FAT3: variants seen among roughly 807,000 people sequenced by gnomAD.
The protein encoded by FAT3 is FAT atypical cadherin 3.
Under a neutral mutation model 310.2 loss-of-function variants are expected in FAT3, and 95 were observed. The observed-to-expected ratio is 0.31, with a 90% CI of 0.26 to 0.36. The LOEUF is 0.36. FAT3 is among the 10% of genes least tolerant of loss of function. The probability of loss-of-function intolerance (pLI) is 1.00; values close to 1 mark genes in which losing one functional copy is unlikely to be tolerated. For synonymous variants in FAT3, 2,314 were observed against 2,192.9 expected (o/e 1.06, Z -1.54); for missense variants, 5,408 against 5,715.6 (o/e 0.95, Z 1.74).
intron 7 of FAT3, among the ~76,000 whole-genome samples, chr11:92,785,380 T>C (rs1946861820): frequency 6.6e-6 from 1 of 152,072 alleles, no homozygotes; most frequent in South Asian, 2.1e-4. Context: ...CATGCTGTAA[T>C]AGCCAATGCA....
At chr11:92,419,043 C>G (rs1184081420) in intron 2 of FAT3, among the ~76,000 whole-genome samples, 1 of 152,096 alleles carries the variant, frequency 6.6e-6, no homozygotes, top group Non-Finnish European at 1.5e-5. Flanking sequence ...CAGTGTTTCC[C>G]TAACCCCCTC....
rs1246302110 is a variant in FAT3, at chr11:92,883,879, T to C, written c.12937+486T>C. On this transcript the variant is annotated intron_variant, in intron 24 of 27. Coordinates refer to ENST00000525166, the MANE Select transcript of FAT3 (RefSeq NM_001367949.2). The surrounding 1 kb of genome is among the most constrained non-coding windows in gnomAD (Gnocchi z 4.2). ...GTATTTCCAGTCTTAGAATGAAGAC[T>C]TGAGAGAAGCAGAGGGACACTTCAA... Among the ~76,000 whole-genome samples the C allele has an allele frequency of 6.6e-6, 1 of 152,122 alleles. No homozygotes were observed. Among genetic ancestry groups the C allele is most frequent in the Non-Finnish European group, 1.5e-5 (1 of 68,020 alleles).
intron 3 of FAT3, among the ~76,000 whole-genome samples, chr11:92,639,419 G>A (rs896890681): frequency 1.3e-5 from 2 of 152,138 alleles, no homozygotes; most frequent in South Asian, 2.1e-4. Context: ...ACAGAGTCCT[G>A]TAGTTCTTTA....
rs17600116 is a variant in FAT3 at position 92,500,745 on chromosome 11, G to C, written c.3293-23889G>C. ...ACAATCCTATTAGAGTTGTGGAAAA[G>C]GAAAAGTATCACCTTAATTTACCTC... is the stretch of plus-strand genomic sequence containing the variant. On this transcript the variant is annotated intron_variant, in intron 2 of 27. Transcript: ENST00000525166. 4.2e-3 allele frequency among the ~76,000 whole-genome samples: 637 copies of C among 152,052 alleles called. 13 individuals are homozygous for C. Among genetic ancestry groups the C allele is most frequent in the Non-Finnish European group, 3.9e-3 (268 of 67,952 alleles).
chr11:92,666,532 T>TG (rs1942957557), intron 3 of FAT3, among the ~76,000 whole-genome samples: 1 of 151,404 alleles, frequency 6.6e-6, no homozygotes, highest in East Asian at 1.9e-4. Context: ...TTTTTTTTTT[T>TG]TGTATCTTTA....
At chr11:92,336,283 C>A in intron 1 of FAT3, 2 of 506,198 alleles carry the variant, frequency 4.0e-6, no homozygotes, top group East Asian at 4.9e-5. Context: ...CAATGGGAGT[C>A]TGGGTTCTTC....
intron 4 of FAT3, among the ~76,000 whole-genome samples, chr11:92,737,203 A>G (rs533879590): frequency 9.8e-5 from 15 of 152,292 alleles, no homozygotes; most frequent in African/African-American, 3.4e-4. Flanking sequence ...GGGGAAAGAA[A>G]TTGAAATTTC....
intron 1 of FAT3, among the ~76,000 whole-genome samples, chr11:92,312,738 C>G (rs139171875): frequency 6.6e-6 from 1 of 152,238 alleles, no homozygotes; most frequent in Non-Finnish European, 1.5e-5. Flanking sequence ...TCCCAAACAA[C>G]TCTTGAAGCA....
intron 2 of FAT3, among the ~76,000 whole-genome samples, chr11:92,465,372 T>A (rs1951733516): frequency 6.6e-6 from 1 of 152,196 alleles, no homozygotes; most frequent in Admixed American, 6.6e-5. Context: ...TTTGGCTATG[T>A]TATAAAACAT....
chr11:92,681,990 A>T (rs894525183), intron 3 of FAT3, among the ~76,000 whole-genome samples: 5 of 152,254 alleles, frequency 3.3e-5, no homozygotes, highest in Admixed American at 3.3e-4. Context: ...GCACTTTCAC[A>T]TATTGTGGTT....
At chr11:92,749,884 C>A (rs185215338) in intron 4 of FAT3, among the ~76,000 whole-genome samples, 2 of 152,286 alleles carry the variant, frequency 1.3e-5, no homozygotes, top group East Asian at 3.9e-4. Flanking sequence ...TCAATCAGAT[C>A]CAAGAGAAGG....
chr11:92,325,785 C>T (rs1405598329), intron 1 of FAT3, among the ~76,000 whole-genome samples: 1 of 152,158 alleles, frequency 6.6e-6, no homozygotes, highest in African/African-American at 2.4e-5. Context: ...GCATGCATCA[C>T]CACGCCCAGC....
At chr11:92,615,056 G>C (rs1490623461) in intron 3 of FAT3, among the ~76,000 whole-genome samples, 2 of 152,104 alleles carry the variant, frequency 1.3e-5, no homozygotes, top group Non-Finnish European at 2.9e-5. Context: ...TGTCTCATTG[G>C]ACTATGTGTC....
At chr11:92,455,168 A>G (rs1591312669) in intron 2 of FAT3, among the ~76,000 whole-genome samples, 2 of 152,314 alleles carry the variant, frequency 1.3e-5, no homozygotes, top group South Asian at 2.1e-4. Flanking sequence ...TGACACTAGA[A>G]TGGTGTTCAC....
chr11:92,893,257 A>G lies in FAT3; in HGVS notation c.*2144A>G, dbSNP rs1379043541. ...CTTTCTCTTCCTGTCTCTTGGTCAG[A>G]CCTACTCATGGAGGTATTATCCACA... On this transcript the variant is annotated 3_prime_UTR_variant, in exon 28 of 28. Transcript: ENST00000525166. 6.6e-6 allele frequency: 1 copy of G among 152,192 alleles called. No individual in the cohort carries two copies. The allele number at this position is 152,192 out of a possible 1,614,324, so 9.4% of individuals were successfully genotyped here. A position where few individuals can be genotyped will look rare whatever the true frequency, so the allele number is the denominator to read the frequency against.
At chr11:92,702,482 G>A (rs1174573388) in intron 4 of FAT3, among the ~76,000 whole-genome samples, 1 of 152,090 alleles carries the variant, frequency 6.6e-6, no homozygotes, top group African/African-American at 2.4e-5. Context: ...TGGAAAATGG[G>A]GTTAATAAAC....
At chr11:92,281,193 A>T (rs1283734143) in intron 1 of FAT3, among the ~76,000 whole-genome samples, 1 of 152,118 alleles carries the variant, frequency 6.6e-6, no homozygotes, top group East Asian at 1.9e-4. Context: ...ACACATGTAT[A>T]TGTCTTTCCA....
intron 1 of FAT3, among the ~76,000 whole-genome samples, chr11:92,330,997 TGTGTGTGAGAGAGA>T (rs1001535988): frequency 4.8e-5 from 6 of 124,210 alleles, no homozygotes; most frequent in African/African-American, 1.7e-4. Flanking sequence ...TGTGTGTGTG[TGTGTGTGAGAGAGA>T]GAGAGAGAGA....
At chr11:92,813,591 C>T (rs915115646) in intron 13 of FAT3, among the ~76,000 whole-genome samples, 1 of 152,206 alleles carries the variant, frequency 6.6e-6, no homozygotes, top group Non-Finnish European at 1.5e-5. Flanking sequence ...GCTTCCCAAT[C>T]CCTAACCCCT....
Sources: gnomAD v4.1 joint callset for allele counts (sites outside exome capture counted in the v4.1 genomes callset) on GRCh38, gnomAD v4.1.1 for gene constraint, Gnocchi (gnomAD v3.1) non-coding constraint, MANE v1.5 for transcripts, NCBI Gene and HGNC (gene_info 2026-07-23, HGNC 2026-07-21) for gene names.